CTBP2: variants seen among roughly 807,000 people sequenced by gnomAD.
The protein encoded by CTBP2 is C-terminal binding protein 2, also known as C-terminal-binding protein 2.
A neutral mutation model predicts 80.3 loss-of-function variants in CTBP2; 30 were observed. The ratio of observed to expected loss-of-function variants is 0.37; its 90% CI spans 0.28 to 0.51. The LOEUF is 0.51. Among genes scored for constraint, CTBP2 ranks in the 20% least tolerant of loss-of-function variants. CTBP2 has a pLI of 0.93. For synonymous variants in CTBP2, 594 were observed against 587.4 expected, an observed-to-expected ratio of 1.01 and a Z score of -0.16; for missense variants, 1,212 against 1,375.3, an observed-to-expected ratio of 0.88 and a Z score of 1.88.
At chr10:125,035,870 C>T (rs988942148) in intron 3 of CTBP2, among the ~76,000 whole-genome samples, 1 of 152,184 alleles carries the variant, frequency 6.6e-6, no homozygotes, top group Non-Finnish European at 1.5e-5. Flanking sequence ...GAGGAGACCA[C>T]AATCTTGTTC....
At chr10:125,088,294 A>C (rs73377258) in intron 2 of CTBP2, 28,712 of 152,298 alleles carry the variant, frequency 0.19, 3,046 homozygotes, top group African/African-American at 0.25. Context: ...GAAGTTGGCA[A>C]GGGGCGTGGA....
intron 3 of CTBP2, among the ~76,000 whole-genome samples, chr10:125,034,308 G>A (rs1419325681): frequency 6.6e-6 from 1 of 152,212 alleles, no homozygotes; most frequent in Non-Finnish European, 1.5e-5. Flanking sequence ...GCCGGGGACA[G>A]ATAAGGCAAA....
At chr10:125,096,885 C>T (rs573478675) in intron 2 of CTBP2, among the ~76,000 whole-genome samples, 1 of 152,132 alleles carries the variant, frequency 6.6e-6, no homozygotes, top group Non-Finnish European at 1.5e-5. Context: ...AACTGTGCAA[C>T]ATGAATTATT....
chr10:125,098,732 GAGAGAGAGAGAGAGAGAC>G lies in CTBP2; in HGVS notation c.-102+12240_-102+12257del, dbSNP rs1850080351. Among the ~76,000 whole-genome samples the G allele has an allele frequency of 2.0e-4, 25 of 127,308 alleles. No homozygotes were observed. In the South Asian group the frequency reaches 4.9e-3, roughly 25 times the overall value. 83.5% of individuals were successfully genotyped at this position (127,308 alleles called of 152,430 possible). On this transcript the variant is annotated intron_variant, in intron 2 of 10. Coordinates refer to the CTBP2 transcript ENST00000337195. ...ACAGAGAGAGAGAGAGACAGAGAGA[GAGAGAGAGAGAGAGAGAC>G]AGAGAGAGAGAGAGAGAGAGAGAGA...
At chr10:125,093,930 TAA>T (rs1441995730) in intron 2 of CTBP2, among the ~76,000 whole-genome samples, 1 of 152,162 alleles carries the variant, frequency 6.6e-6, no homozygotes, top group East Asian at 1.9e-4. Flanking sequence ...AGAGTTGCTA[TAA>T]CTCATTCAAG....
chr10:125,062,999 T>C (rs1334235856), intron 2 of CTBP2, among the ~76,000 whole-genome samples: 1 of 152,196 alleles, frequency 6.6e-6, no homozygotes, highest in Admixed American at 6.5e-5. Context: ...GGCGTTCCAG[T>C]GAGCAGGCTG....
At chr10:125,006,504 T>C (rs76042663) in intron 1 of CTBP2, among the ~76,000 whole-genome samples, 5,753 of 152,282 alleles carry the variant, frequency 0.038, 142 homozygotes, top group Middle Eastern at 0.065. Context: ...CCAGAGAATC[T>C]GGACTGAAAT....
At chr10:125,113,300 ACCCAT>A (rs1326839912) in intron 1 of CTBP2, among the ~76,000 whole-genome samples, 5 of 152,006 alleles carry the variant, frequency 3.3e-5, no homozygotes, top group Admixed American at 1.3e-4. Flanking sequence ...ACCCTTCAAA[ACCCAT>A]CTCACAGGTT....
chr10:125,124,886 A>G (rs1854963451), intron 1 of CTBP2, among the ~76,000 whole-genome samples: 1 of 152,236 alleles, frequency 6.6e-6, no homozygotes, highest in Non-Finnish European at 1.5e-5. Flanking sequence ...ATGCAATTCC[A>G]AACAGTGCCT....
chr10:125,114,879 A>T (rs1046568051), intron 1 of CTBP2, among the ~76,000 whole-genome samples: 1 of 146,218 alleles, frequency 6.8e-6, no homozygotes, highest in African/African-American at 2.5e-5. Flanking sequence ...TGTGAGCAGC[A>T]TTCATCTAAC....
chr10:125,153,540 T>C (rs906819182), intron 1 of CTBP2, among the ~76,000 whole-genome samples: 1 of 152,244 alleles, frequency 6.6e-6, no homozygotes, highest in Admixed American at 6.5e-5. Flanking sequence ...CAGAGAAACC[T>C]CGAATGCTCT....
intron 2 of CTBP2, among the ~76,000 whole-genome samples, chr10:125,056,725 G>A (rs1564816386): frequency 6.6e-6 from 1 of 152,242 alleles, no homozygotes; most frequent in African/African-American, 2.4e-5. Flanking sequence ...TCTTAGTCGA[G>A]GGATGTTGGC....
intron 2 of CTBP2, among the ~76,000 whole-genome samples, chr10:125,044,690 CTG>C (rs1385232745): frequency 6.6e-6 from 1 of 152,184 alleles, no homozygotes; most frequent in African/African-American, 2.4e-5. Flanking sequence ...TCTCTTGAGG[CTG>C]TGATGTGCCA....
At chr10:125,005,739 G>T (rs1955156379) in intron 1 of CTBP2, 2 of 1,612,896 alleles carry the variant, frequency 1.2e-6, no homozygotes, top group Admixed American at 1.7e-5. Context: ...TTCTGTTTCA[G>T]TACACTCTTC....
At chr10:125,098,657 G>GGAGAGAGAGAGAGAGA (rs565818097) in intron 2 of CTBP2, among the ~76,000 whole-genome samples, 18 of 44,994 alleles carry the variant, frequency 4.0e-4, no homozygotes, top group Non-Finnish European at 4.9e-4. Flanking sequence ...TGGGGGAGGG[G>GGAGAGAGAGAGAGAGA]GAGAGAGAGA....
intron 1 of CTBP2, among the ~76,000 whole-genome samples, chr10:125,021,550 G>GA (rs1015342190): frequency 5.7e-4 from 58 of 102,544 alleles, no homozygotes; most frequent in African/African-American, 2.4e-3. Context: ...AGTCTGGTAA[G>GA]GGGGCACAAC....
intron 2 of CTBP2, among the ~76,000 whole-genome samples, chr10:125,068,874 G>T (rs1407838569): frequency 6.6e-6 from 1 of 152,218 alleles, no homozygotes; most frequent in African/African-American, 2.4e-5. Flanking sequence ...ATCTGCCCCT[G>T]CTGTCTCCGA....
At chr10:125,023,201 A>G (rs1957222848) in intron 1 of CTBP2, among the ~76,000 whole-genome samples, 1 of 152,150 alleles carries the variant, frequency 6.6e-6, no homozygotes, top group South Asian at 2.1e-4. Flanking sequence ...CCATTAATCC[A>G]GTTGCATCAA....
chr10:125,072,095 C>G (rs902423392), intron 2 of CTBP2, among the ~76,000 whole-genome samples: 1 of 152,208 alleles, frequency 6.6e-6, no homozygotes. Flanking sequence ...CGGTGGCTCA[C>G]GAGGTCAGGA....
Sources: gnomAD v4.1 joint callset for allele counts (sites outside exome capture counted in the v4.1 genomes callset) on GRCh38, gnomAD v4.1.1 for gene constraint, MANE v1.5 for transcripts, NCBI Gene and HGNC (gene_info 2026-07-23, HGNC 2026-07-21) for gene names.